The following FPR2 variants were observed in gnomAD, a reference collection of about 807,000 sequenced individuals.
FPR2 encodes N-formyl peptide receptor 2.
A neutral mutation model predicts 4.0 loss-of-function variants in FPR2; 3 were observed. The ratio of observed to expected loss-of-function variants is 0.74; its 90% CI spans 0.34 to 1.92. The LOEUF is 1.92. Ranked by LOEUF, FPR2 falls within the 30% of genes most tolerant of loss-of-function variation. FPR2 has a pLI of 0.07. For missense variants in FPR2, 372 were observed against 435.7 expected (o/e 0.85, Z 1.30); for synonymous variants, 179 against 171.5 (o/e 1.04, Z -0.34).
chr19:51,767,684 G>T (rs1438866763), intron 1 of FPR2, among the ~76,000 whole-genome samples: 1 of 152,104 alleles, frequency 6.6e-6, no homozygotes, highest in Non-Finnish European at 1.5e-5. Context: ...TTAGAAGTCA[G>T]ACCATGCCAA....
rs777270195 is a variant in FPR2 at position 51,768,973 on chromosome 19, G to T, written c.315G>T (p.Val105=). 1 of 1,614,180 alleles carries T rather than the reference G, an allele frequency of 6.2e-7. No homozygotes were observed. The highest frequency in any genetic ancestry group is 8.5e-7 in the Non-Finnish European group (1 of 1,180,038). ...WFLCKLIHIV[V]DINLFGSVFL... is the part of the protein sequence containing the mutation. ...TGTGTAAGTTAATTCACATCGTGGTGGACATCAACCTCTTTGGAAGTGTCT... is the reference window on the plus strand; with the variant it reads ...TGTGTAAGTTAATTCACATCGTGGTTGACATCAACCTCTTTGGAAGTGTCT... The change falls in exon 2 of 2, where the codon GTG becomes GTT. Residue 105 remains valine, a synonymous_variant. Transcript: ENST00000340023.
chr19:51,766,869 T>C (rs897917623), intron 1 of FPR2, among the ~76,000 whole-genome samples: 1 of 152,248 alleles, frequency 6.6e-6, no homozygotes, highest in Non-Finnish European at 1.5e-5. Flanking sequence ...CTCATGGCCA[T>C]AGCAAATCAT....
intron 1 of FPR2, among the ~76,000 whole-genome samples, chr19:51,767,597 T>C (rs988055216): frequency 3.9e-5 from 6 of 152,110 alleles, no homozygotes; most frequent in South Asian, 2.1e-4. Flanking sequence ...CTAAACACAA[T>C]TGTGGTTTTT....
chr19:51,764,420 A>G (rs2122355992), intron 1 of FPR2, among the ~76,000 whole-genome samples: 1 of 152,348 alleles, frequency 6.6e-6, no homozygotes, highest in East Asian at 1.9e-4. Context: ...TGGAGAAAGC[A>G]GGACTGAAAT....
In FPR2 at chr19:51,769,602, A is replaced by G. The variant is rs751709083; in HGVS notation, c.944A>G (p.His315Arg). The G allele has an allele frequency of 1.9e-5, 30 of 1,613,658 alleles. No individual in the cohort carries two copies. Among genetic ancestry groups the G allele is most frequent in the Non-Finnish European group, 2.5e-5 (29 of 1,179,958 alleles). ...VGQDFRERLIHSLPTSLERAL... is the reference protein window; with the variant it reads ...VGQDFRERLIRSLPTSLERAL... ...CAAGACTTCCGAGAGAGACTGATCC[A>G]CTCCCTGCCCACCAGTCTGGAGAGG... is the stretch of plus-strand genomic sequence containing the variant. The change falls in exon 2 of 2, where the codon CAC becomes CGC. Residue 315 changes from histidine to arginine, a missense_variant. By Grantham distance (29) the His-to-Arg change is conservative. Transcript: ENST00000340023. This position sits in a 1 kb window ranked among gnomAD's most constrained non-coding sequence, Gnocchi z 4.4.
intron 1 of FPR2, chr19:51,762,530 T>A (rs1393193638): frequency 1.3e-5 from 2 of 151,898 alleles, no homozygotes; most frequent in East Asian, 3.9e-4. Flanking sequence ...GCATCTGGAA[T>A]TACAGGCACG....
rs142888538 is a variant in FPR2 at position 51,764,011 on chromosome 19, A to C, written c.-15+2781A>C. On this transcript the variant is annotated intron_variant, in intron 1 of 1. Transcript: ENST00000340023. ...TGGCCTCAAGTGATCCACTTGCCTC[A>C]GCTTCCCTAAATGTTGGGATTACAG... 3.1e-3 allele frequency among the ~76,000 whole-genome samples: 466 copies of C among 152,288 alleles called. 4 individuals carry two copies. The highest frequency in any genetic ancestry group is 0.01 in the African/African-American group (423 of 41,552).
chr19:51,761,738 A>G (rs2083839625), intron 1 of FPR2, among the ~76,000 whole-genome samples: 1 of 152,174 alleles, frequency 6.6e-6, no homozygotes, highest in Admixed American at 6.5e-5. Context: ...GGTTGCAGTG[A>G]GCCGATATCG....
At chr19:51,767,873 C>A (rs1419093130) in intron 1 of FPR2, among the ~76,000 whole-genome samples, 2 of 152,252 alleles carry the variant, frequency 1.3e-5, no homozygotes, top group East Asian at 3.9e-4. Context: ...CTAATAAGAA[C>A]TTCACAAGTA....
rs763776915 is a variant in FPR2, at chr19:51,769,156, A to G, written c.498A>G (p.Thr166=). 6.2e-7 allele frequency: 1 copy of G among 1,614,126 alleles called. No individual in the cohort carries two copies. Among genetic ancestry groups the G allele is most frequent in the Non-Finnish European group, 8.5e-7 (1 of 1,180,042 alleles). Residue 166 remains threonine, a synonymous_variant, in exon 2 of 2, where the codon ACA becomes ACG. Transcript: ENST00000340023. This position sits in a 1 kb window ranked among gnomAD's most constrained non-coding sequence, Gnocchi z 4.4. ...LTLPVFLFLT[T]VTIPNGDTYC... ...TGCCAGTTTTCCTCTTTTTGACTAC[A>G]GTAACTATTCCAAATGGGGACACAT...
In FPR2 at chr19:51,768,937, T is replaced by C; in HGVS notation, c.279T>C (p.Phe93=). The change falls in exon 2 of 2, where the codon TTT becomes TTC. Residue 93 remains phenylalanine, a synonymous_variant. Coordinates refer to ENST00000340023, the MANE Select transcript of FPR2 (RefSeq NM_001005738.2). ...TGGCCATGGGAGAAAAATGGCCTTTTGGCTGGTTCCTGTGTAAGTTAATTC... is the reference window on the plus strand; with the variant it reads ...TGGCCATGGGAGAAAAATGGCCTTTCGGCTGGTTCCTGTGTAAGTTAATTC... ...VSMAMGEKWP[F]GWFLCKLIHI... 1 of 1,614,220 alleles carries C rather than the reference T, an allele frequency of 6.2e-7. No homozygotes were observed. The highest frequency in any genetic ancestry group is 8.5e-7 in the Non-Finnish European group (1 of 1,180,040).
At chr19:51,762,186 A>G (rs1434763031) in intron 1 of FPR2, among the ~76,000 whole-genome samples, 1 of 151,306 alleles carries the variant, frequency 6.6e-6, no homozygotes, top group Non-Finnish European at 1.5e-5. Context: ...CTCAGGGTCA[A>G]GCGATTCTCC....
At chr19:51,761,948 C>T (rs2083840757) in intron 1 of FPR2, among the ~76,000 whole-genome samples, 3 of 152,228 alleles carry the variant, frequency 2.0e-5, no homozygotes, top group African/African-American at 7.2e-5. Flanking sequence ...CAGTGTGTCC[C>T]ACGAGAGTGC....
At position 51,768,788 on chromosome 19, in the gene FPR2, A is replaced by G; in HGVS notation, c.130A>G (p.Asn44Asp). 6.2e-7 allele frequency: 1 copy of G among 1,614,138 alleles called. No individual in the cohort carries two copies. The highest frequency in any genetic ancestry group is 8.5e-7 in the Non-Finnish European group (1 of 1,180,028). ...CACCTTTGTCCTCGGGGTCCTGGGC[A>G]ATGGGCTTGTGATCTGGGTGGCTGG... is the stretch of plus-strand genomic sequence containing the variant. ...GVTFVLGVLG[N>D]GLVIWVAGFR... The change falls in exon 2 of 2, where the codon AAT (asparagine) becomes GAT (aspartate). Residue 44 changes from asparagine to aspartate, a missense_variant. By Grantham distance (23) the Asn-to-Asp change is conservative. Coordinates refer to ENST00000340023, the MANE Select transcript of FPR2 (RefSeq NM_001005738.2).
At position 51,768,738 on chromosome 19, in the gene FPR2, T is replaced by G; in HGVS notation, c.80T>G (p.Ile27Ser). The change falls in exon 2 of 2, where the codon ATC (isoleucine) becomes AGC (serine). Residue 27 changes from isoleucine to serine, a missense_variant. Physicochemically the swap from Ile to Ser is moderately radical, Grantham distance 142 (BLOSUM62 -2). Coordinates refer to ENST00000340023, the MANE Select transcript of FPR2 (RefSeq NM_001005738.2). ...TCTGCTGGCTACACTGTTCTGCGGATCCTCCCATTGGTGGTGCTTGGGGTC... is the reference window on the plus strand; with the variant it reads ...TCTGCTGGCTACACTGTTCTGCGGAGCCTCCCATTGGTGGTGCTTGGGGTC... ...YESAGYTVLRILPLVVLGVTF... is the reference protein window; with the variant it reads ...YESAGYTVLRSLPLVVLGVTF... 1 of 1,614,160 alleles carries G rather than the reference T, an allele frequency of 6.2e-7. No individual in the cohort carries two copies.
chr19:51,766,064 T>C (rs1029574005), intron 1 of FPR2, among the ~76,000 whole-genome samples: 4 of 152,146 alleles, frequency 2.6e-5, no homozygotes, highest in Non-Finnish European at 4.4e-5. Context: ...GGACTGCAAG[T>C]GCATGCCACC....
intron 1 of FPR2, among the ~76,000 whole-genome samples, chr19:51,765,295 A>G: frequency 6.6e-6 from 1 of 152,208 alleles, no homozygotes; most frequent in East Asian, 1.9e-4. Context: ...CTGAGCTCCA[A>G]TTCTGTCTCT....
In FPR2 at chr19:51,769,412, A is replaced by G. The variant is rs1232908015; in HGVS notation, c.754A>G (p.Ile252Val). 4 of 1,614,138 alleles carry G rather than the reference A, an allele frequency of 2.5e-6. No individual in the cohort carries two copies. The highest frequency in any genetic ancestry group is 2.5e-6 in the Non-Finnish European group (3 of 1,180,012). ...VLTAVVASFFICWFPFQLVAL... is the reference protein window; with the variant it reads ...VLTAVVASFFVCWFPFQLVAL... ...CACTGCTGTGGTGGCTTCTTTCTTC[A>G]TCTGTTGGTTTCCCTTTCAACTGGT... The change falls in exon 2 of 2, where the codon ATC (isoleucine) becomes GTC (valine). Residue 252 changes from isoleucine (I) to valine (V), a missense_variant. Transcript: ENST00000340023. This position sits in a 1 kb window ranked among gnomAD's most constrained non-coding sequence, Gnocchi z 4.4.
In FPR2 at chr19:51,768,859, G is replaced by A. The variant is rs372530251; in HGVS notation, c.201G>A (p.Leu67=). 2.0e-5 allele frequency: 33 copies of A among 1,614,048 alleles called. No individual in the cohort carries two copies. In the African/African-American group the frequency reaches 4.3e-4, roughly 21 times the overall value. The change falls in exon 2 of 2, where the codon CTG becomes CTA. Residue 67 remains leucine, a synonymous_variant. Coordinates refer to ENST00000340023, the MANE Select transcript of FPR2 (RefSeq NM_001005738.2). ...RTVTTICYLN[L]ALADFSFTAT... is the part of the protein sequence containing the mutation. Reference sequence around the variant, plus strand: ...TCACCACCATCTGTTACCTGAACCTGGCCCTGGCTGACTTTTCTTTCACGG... The same window carrying A: ...TCACCACCATCTGTTACCTGAACCTAGCCCTGGCTGACTTTTCTTTCACGG...
Sources: gnomAD v4.1 joint callset for allele counts (sites outside exome capture counted in the v4.1 genomes callset) on GRCh38, gnomAD v4.1.1 for gene constraint, Gnocchi (gnomAD v3.1) non-coding constraint, MANE v1.5 for transcripts, NCBI Gene and HGNC (gene_info 2026-07-23, HGNC 2026-07-21) for gene names.